CNTNAP2: variants seen among roughly 807,000 people sequenced by gnomAD.
CNTNAP2 encodes the protein contactin associated protein 2.
CNTNAP2 carries 98 observed loss-of-function variants against 155.2 expected under a neutral mutation model. The observed-to-expected ratio is 0.63, with a 90% confidence interval of 0.54 to 0.75. The LOEUF is 0.75. Ranked by LOEUF, CNTNAP2 falls within the 30% of genes least tolerant of loss-of-function variation. CNTNAP2 has a pLI of 0.00. For missense variants in CNTNAP2, 1,727 were observed against 1,688.1 expected (o/e 1.02, Z -0.40); for synonymous variants, 651 against 631.2 (o/e 1.03, Z -0.47).
intron 9 of CNTNAP2, among the ~76,000 whole-genome samples, chr7:147,310,474 A>C (rs1342806369): frequency 1.3e-5 from 2 of 152,194 alleles, no homozygotes; most frequent in African/African-American, 4.8e-5. Flanking sequence ...TAAGTAAATT[A>C]AATATTATTT....
In CNTNAP2 at chr7:146,774,254, C is replaced by T; in HGVS notation, c.98-17C>T. 4 of 1,593,664 alleles carry T rather than the reference C, an allele frequency of 2.5e-6. No individual in the cohort carries two copies. Among genetic ancestry groups the T allele is most frequent in the African/African-American group, 1.3e-5 (1 of 74,618 alleles). The stretch of plus-strand genomic sequence containing the variant: ...CGTTGTTGAGTGTCTCTCTCCCTCT[C>T]TGTCTTTTGTTTTCAGAAAAATGTG... On this transcript the variant is annotated splice_polypyrimidine_tract_variant and intron_variant, in intron 1 of 23. Transcript: ENST00000361727.
In CNTNAP2 at chr7:147,776,075, A is replaced by T. The variant is rs567292659; in HGVS notation, c.2099-127490A>T. On this transcript the variant is annotated intron_variant, in intron 13 of 23. Coordinates refer to ENST00000361727, the MANE Select transcript of CNTNAP2 (RefSeq NM_014141.6). ...ACTGTTCCCTAGTAAAAGTAATAAAATGTGTTGAAAAGTACTAGAAATGTA... is the reference window on the plus strand; with the variant it reads ...ACTGTTCCCTAGTAAAAGTAATAAATTGTGTTGAAAAGTACTAGAAATGTA... Among the ~76,000 whole-genome samples, 85 of 152,300 alleles carry T rather than the reference A, an allele frequency of 5.6e-4. 1 individual carries two copies. Among genetic ancestry groups the T allele is most frequent in the Middle Eastern group, 3.4e-3 (1 of 294 alleles).
chr7:148,220,561 G>A (rs1795728426), intron 19 of CNTNAP2, among the ~76,000 whole-genome samples: 1 of 151,496 alleles, frequency 6.6e-6, no homozygotes, highest in Non-Finnish European at 1.5e-5. Flanking sequence ...TTTTATGTAT[G>A]TTAAACCAAA....
intron 1 of CNTNAP2, among the ~76,000 whole-genome samples, chr7:146,375,643 G>A (rs957460242): frequency 1.3e-5 from 2 of 152,200 alleles, no homozygotes; most frequent in South Asian, 2.1e-4. Context: ...TGAGATTTGA[G>A]GCATGTTTAA....
intron 1 of CNTNAP2, among the ~76,000 whole-genome samples, chr7:146,594,375 C>CTATTTGGT (rs1798828032): frequency 2.0e-5 from 3 of 151,880 alleles, no homozygotes; most frequent in African/African-American, 7.2e-5. Context: ...TCTTACAGCT[C>CTATTTGGT]TATTTGGTGT....
chr7:147,775,464 A>G (rs1797571306), intron 13 of CNTNAP2, among the ~76,000 whole-genome samples: 1 of 140,650 alleles, frequency 7.1e-6, no homozygotes, highest in Non-Finnish European at 1.5e-5. Context: ...TCTAAAAGTA[A>G]TTCTGTCCTT....
intron 6 of CNTNAP2, among the ~76,000 whole-genome samples, chr7:147,126,280 C>T (rs1451520561): frequency 2.0e-5 from 3 of 152,032 alleles, no homozygotes; most frequent in Non-Finnish European, 4.4e-5. Context: ...CTAACAAAAT[C>T]GTTACTGCAG....
At chr7:147,458,517 A>G (rs569237018) in intron 10 of CNTNAP2, among the ~76,000 whole-genome samples, 1 of 152,274 alleles carries the variant, frequency 6.6e-6, no homozygotes, top group South Asian at 2.1e-4. Flanking sequence ...AGAAAGTTCT[A>G]CTACAGATAC....
At chr7:147,587,754 A>G (rs953156434) in intron 12 of CNTNAP2, among the ~76,000 whole-genome samples, 2 of 152,178 alleles carry the variant, frequency 1.3e-5, no homozygotes, top group Non-Finnish European at 2.9e-5. Context: ...TTTTACTTGG[A>G]ACCTTATGAG....
chr7:146,404,112 G>A (rs1378133140), intron 1 of CNTNAP2, among the ~76,000 whole-genome samples: 7 of 103,610 alleles, frequency 6.8e-5, no homozygotes, highest in African/African-American at 1.3e-4. Context: ...GCGACAGAGC[G>A]AGACTCCGTC....
intron 1 of CNTNAP2, among the ~76,000 whole-genome samples, chr7:146,602,790 G>A (rs1020710989): frequency 6.6e-6 from 1 of 152,142 alleles, no homozygotes; most frequent in Non-Finnish European, 1.5e-5. Flanking sequence ...TCCAAATTAA[G>A]ACAGAGTGGA....
chr7:146,821,767 A>G (rs891532269), intron 2 of CNTNAP2, among the ~76,000 whole-genome samples: 6 of 151,948 alleles, frequency 3.9e-5, no homozygotes, highest in African/African-American at 1.2e-4. Flanking sequence ...CAAAACCACA[A>G]TGAGATACCA....
chr7:148,415,380 CCT>C (rs1563080463), intron 23 of CNTNAP2, 35 bp from the exon 24 acceptor site: 1 of 1,606,788 alleles, frequency 6.2e-7, no homozygotes. Context: ...ACTCCCAAGC[CCT>C]GTCTAACCTC....
At chr7:147,773,054 T>C (rs1460491648) in intron 13 of CNTNAP2, among the ~76,000 whole-genome samples, 7 of 152,186 alleles carry the variant, frequency 4.6e-5, no homozygotes, top group African/African-American at 1.7e-4. Flanking sequence ...TTTAAGAAAG[T>C]TATATCTTAA....
At chr7:146,360,169 C>G (rs1040832089) in intron 1 of CNTNAP2, among the ~76,000 whole-genome samples, 3 of 152,154 alleles carry the variant, frequency 2.0e-5, no homozygotes, top group Non-Finnish European at 4.4e-5. Flanking sequence ...CAGTGTTAAG[C>G]CTTTCCAGTG....
chr7:148,093,219 G>A (rs949653700), intron 15 of CNTNAP2, among the ~76,000 whole-genome samples: 5 of 151,562 alleles, frequency 3.3e-5, no homozygotes, highest in African/African-American at 9.7e-5. Flanking sequence ...TTTTTAAAAA[G>A]GAAAGCTAGA....
chr7:147,260,160 A>C (rs1804424616), intron 8 of CNTNAP2, among the ~76,000 whole-genome samples: 1 of 152,252 alleles, frequency 6.6e-6, no homozygotes, highest in Non-Finnish European at 1.5e-5. Flanking sequence ...GCCATATCTA[A>C]CAAAAGCTTT....
chr7:147,239,583 C>T (rs2116634614), intron 8 of CNTNAP2, among the ~76,000 whole-genome samples: 1 of 151,228 alleles, frequency 6.6e-6, no homozygotes, highest in Non-Finnish European at 1.5e-5. Context: ...AGTTAATAAC[C>T]ACTCTAATGG....
At chr7:146,164,628 A>G (rs984754197) in intron 1 of CNTNAP2, among the ~76,000 whole-genome samples, 1 of 152,220 alleles carries the variant, frequency 6.6e-6, no homozygotes, top group African/African-American at 2.4e-5. Flanking sequence ...TCATTTGGCT[A>G]AAGAAGTGGT....
Sources: gnomAD v4.1 joint callset for allele counts (sites outside exome capture counted in the v4.1 genomes callset) on GRCh38, gnomAD v4.1.1 for gene constraint, MANE v1.5 for transcripts, NCBI Gene and HGNC (gene_info 2026-07-23, HGNC 2026-07-21) for gene names.